Variants in WWC1 observed in about 807,000 individuals in gnomAD.
WWC1 encodes the protein WW and C2 domain containing 1, also known as protein KIBRA.
WWC1 carries 55 observed loss-of-function variants against 138.4 expected under a neutral mutation model. The ratio of observed to expected loss-of-function variants is 0.40; its 90% CI spans 0.32 to 0.50. The LOEUF is 0.50. Among genes scored for constraint, WWC1 ranks in the 20% least tolerant of loss-of-function variants. The pLI, the probability that WWC1 is intolerant of heterozygous loss-of-function variation, is 0.72. For synonymous variants in WWC1, 524 were observed against 564.9 expected, an observed-to-expected ratio of 0.93 and a Z score of 1.03; for missense variants, 1,226 against 1,420.4, an observed-to-expected ratio of 0.86 and a Z score of 2.20.
In WWC1 at chr5:168,417,584, C is replaced by T. The variant is rs549640669; in HGVS notation, c.1184+2994C>T. ...TTTGCTAACCCCAGAGGCTGTGCTC[C>T]CTTTAGGATGCTCGCCACTCAGAAG... On this transcript the variant is annotated intron_variant, in intron 9 of 22. Transcript: ENST00000265293. Among the ~76,000 whole-genome samples the T allele has an allele frequency of 3.9e-5, 6 of 152,262 alleles. No homozygotes were observed. In the East Asian group the frequency reaches 1.2e-3, roughly 29 times the overall value.
chr5:168,330,059 G>A (rs1284497577), intron 1 of WWC1, among the ~76,000 whole-genome samples: 7 of 152,146 alleles, frequency 4.6e-5, no homozygotes, highest in Admixed American at 2.0e-4. Flanking sequence ...GCAGTGAGCC[G>A]AGATCGCACC....
intron 1 of WWC1, among the ~76,000 whole-genome samples, chr5:168,296,963 C>T (rs1433640113): frequency 1.3e-5 from 2 of 152,190 alleles, no homozygotes; most frequent in African/African-American, 4.8e-5. Context: ...GTGGTCAGGT[C>T]ATGGGCACCT....
At chr5:168,365,525 C>G (rs1168669149) in intron 1 of WWC1, among the ~76,000 whole-genome samples, 2 of 152,200 alleles carry the variant, frequency 1.3e-5, no homozygotes, top group Non-Finnish European at 2.9e-5. Context: ...TCTGAGCTGC[C>G]TCCTTAGAAA....
chr5:168,404,129 C>T (rs1779602637), intron 5 of WWC1, among the ~76,000 whole-genome samples: 1 of 152,144 alleles, frequency 6.6e-6, no homozygotes, highest in African/African-American at 2.4e-5. Flanking sequence ...TCTGTCTCAT[C>T]CTGCAAGGGA....
At position 168,442,457 on chromosome 5, in the gene WWC1, A is replaced by AT. The variant is rs1554113647; in HGVS notation, c.2433+626dup. Among the ~76,000 whole-genome samples the AT allele has an allele frequency of 8.7e-5, 13 of 149,406 alleles. No homozygotes were observed. The South Asian group carries it at 2.1e-3, about 24-fold the overall frequency. On this transcript the variant is annotated intron_variant, in intron 16 of 22. Coordinates refer to ENST00000265293, the MANE Select transcript of WWC1 (RefSeq NM_015238.3). ...GTCTCTACAAAAAAAAAAAAAAAAA[A>AT]TTTAATTAAAAAAAAAAGTTTTTAT...
intron 15 of WWC1, among the ~76,000 whole-genome samples, chr5:168,439,456 C>G (rs1331122118): frequency 8.1e-6 from 1 of 123,382 alleles, no homozygotes; most frequent in Admixed American, 8.9e-5. Context: ...GAAACCCCGT[C>G]TCTACTAAAA....
At chr5:168,467,502 C>T (rs966319938) in intron 21 of WWC1, among the ~76,000 whole-genome samples, 1 of 152,168 alleles carries the variant, frequency 6.6e-6, no homozygotes, top group Non-Finnish European at 1.5e-5. Context: ...AAATTTCTTA[C>T]TTTGCTGGAG....
chr5:168,389,816 A>G (rs1030293180), intron 3 of WWC1, among the ~76,000 whole-genome samples: 13 of 152,104 alleles, frequency 8.5e-5, no homozygotes, highest in Non-Finnish European at 1.9e-4. Context: ...AGAGCTGTGT[A>G]TTTTAGGGTG....
At chr5:168,403,032 TTCTTTCTTTC>T in intron 5 of WWC1, among the ~76,000 whole-genome samples, 2 of 124,458 alleles carry the variant, frequency 1.6e-5, no homozygotes, top group African/African-American at 7.3e-5. Context: ...CTTTCTTTCT[TTCTTTCTTTC>T]TTTCTTTCTT....
chr5:168,292,288 C>T lies in WWC1; in HGVS notation c.119+17C>T, dbSNP rs1161191094. 6.3e-7 allele frequency: 1 copy of T among 1,582,086 alleles called. No homozygotes were observed. Among genetic ancestry groups the T allele is most frequent in the Non-Finnish European group, 8.6e-7 (1 of 1,165,162 alleles). On this transcript the variant is annotated intron_variant, in intron 1 of 22. Coordinates refer to ENST00000265293, the MANE Select transcript of WWC1 (RefSeq NM_015238.3). The surrounding 1 kb of genome is among the most constrained non-coding windows in gnomAD (Gnocchi z 4.4). ...GCGGGACAGGTAGGACCCTGGAACC[C>T]TCCTCCGTGCCCCCACACCCCCGCC...
chr5:168,297,038 G>A (rs1214158312), intron 1 of WWC1, among the ~76,000 whole-genome samples: 1 of 152,208 alleles, frequency 6.6e-6, no homozygotes, highest in Non-Finnish European at 1.5e-5. Flanking sequence ...CTTGCTACCT[G>A]AGTTACCTTG....
rs1353607261 is a variant in WWC1 at position 168,357,493 on chromosome 5, T to TGTGC, written c.120-13930_120-13929insTGCG. On this transcript the variant is annotated intron_variant, in intron 1 of 22. Transcript: ENST00000265293. ...GTGTGTGTGTGTGTGTGTGTGTGTG[T>TGTGC]GCGCGCGCGCACGCATGCACGTGCG... Among the ~76,000 whole-genome samples, 166 of 119,812 alleles carry TGTGC rather than the reference T, an allele frequency of 1.4e-3. 1 individual carries two copies. Among genetic ancestry groups the TGTGC allele is most frequent in the African/African-American group, 6.0e-3 (140 of 23,236 alleles). The allele number at this position is 119,812 out of a possible 152,430, so 78.6% of individuals were successfully genotyped here. A position where few individuals can be genotyped will look rare whatever the true frequency, so the allele number is the denominator to read the frequency against.
chr5:168,354,551 A>G (rs1343839706), intron 1 of WWC1, among the ~76,000 whole-genome samples: 1 of 152,214 alleles, frequency 6.6e-6, no homozygotes, highest in Admixed American at 6.5e-5. Context: ...GGATATGCCT[A>G]GCACTAGTGC....
intron 16 of WWC1, 94 bp from the exon 17 acceptor site, chr5:168,444,400 C>T: frequency 1.6e-6 from 2 of 1,262,126 alleles, no homozygotes; most frequent in Non-Finnish European, 2.2e-6. Flanking sequence ...CATCAATTCA[C>T]TGGGAGGGTC....
intron 2 of WWC1, among the ~76,000 whole-genome samples, chr5:168,374,051 A>C (rs1410462900): frequency 6.8e-6 from 1 of 146,722 alleles, no homozygotes; most frequent in East Asian, 2.1e-4. Context: ...GTACCAAAAA[A>C]AAAAAAAAAA....
intron 1 of WWC1, among the ~76,000 whole-genome samples, chr5:168,302,547 G>C (rs756955347): frequency 6.6e-6 from 1 of 152,160 alleles, no homozygotes; most frequent in African/African-American, 2.4e-5. Context: ...GGGAGACCTT[G>C]AGGCCTTTAG....
At chr5:168,337,800 G>C (rs533402823) in intron 1 of WWC1, among the ~76,000 whole-genome samples, 6 of 152,210 alleles carry the variant, frequency 3.9e-5, no homozygotes, top group Non-Finnish European at 7.3e-5. Context: ...ACCTCACTAG[G>C]ATGACTCAGT....
chr5:168,398,074 T>C (rs1394275589), intron 4 of WWC1, among the ~76,000 whole-genome samples: 2 of 147,676 alleles, frequency 1.4e-5, no homozygotes, highest in African/African-American at 2.5e-5. Flanking sequence ...GTCATCTGCA[T>C]TTTATTATTT....
intron 11 of WWC1, 26 bp from the exon 12 acceptor site, chr5:168,428,007 C>T: frequency 8.7e-6 from 14 of 1,601,784 alleles, no homozygotes; most frequent in Non-Finnish European, 1.2e-5. Context: ...GGTTCCTGAA[C>T]CTGCCTTTCC....
Sources: allele counts gnomAD v4.1 joint callset (sites outside exome capture counted in the v4.1 genomes callset), GRCh38; gene constraint gnomAD v4.1.1; non-coding constraint Gnocchi (gnomAD v3.1); transcripts MANE v1.5; gene names NCBI Gene and HGNC (gene_info 2026-07-23, HGNC 2026-07-21).